Variants in RIMS2 observed in about 807,000 individuals in gnomAD.
The protein encoded by RIMS2 is regulating synaptic membrane exocytosis protein 2.
In RIMS2, 59 loss-of-function variants were observed where a neutral mutation model predicts 174.4. The ratio of observed to expected loss-of-function variants is 0.34; its 90% CI spans 0.27 to 0.42. The LOEUF is 0.42. Among genes scored for constraint, RIMS2 ranks in the 10% least tolerant of loss-of-function variants. The pLI is 1.00. For synonymous variants in RIMS2, 606 were observed against 572.5 expected (o/e 1.06, Z -0.84); for missense variants, 1,620 against 1,666.3 (o/e 0.97, Z 0.48).
chr8:104,070,083 A>C (rs1566165537), intron 19 of RIMS2, among the ~76,000 whole-genome samples: 1 of 152,188 alleles, frequency 6.6e-6, no homozygotes, highest in African/African-American at 2.4e-5. Context: ...ATCCCTTCAT[A>C]ACCTCAAGAA....
chr8:104,048,267 G>A (rs1305976868), intron 19 of RIMS2, among the ~76,000 whole-genome samples: 4 of 151,996 alleles, frequency 2.6e-5, no homozygotes, highest in Non-Finnish European at 2.9e-5. Flanking sequence ...GACAAAATGG[G>A]CAAAGGATAT....
chr8:103,962,500 G>A (rs918749867), intron 15 of RIMS2, among the ~76,000 whole-genome samples: 5 of 152,102 alleles, frequency 3.3e-5, no homozygotes, highest in Admixed American at 6.6e-5. Context: ...CTGGTGAATC[G>A]TTTAATAAGA....
chr8:103,520,677 A>G (rs1454607218), intron 1 of RIMS2, among the ~76,000 whole-genome samples: 1 of 152,088 alleles, frequency 6.6e-6, no homozygotes, highest in African/African-American at 2.4e-5. Flanking sequence ...ATTCACATCT[A>G]AGCCCTGCTA....
At chr8:103,808,687 A>G (rs760752445) in intron 3 of RIMS2, among the ~76,000 whole-genome samples, 1 of 152,126 alleles carries the variant, frequency 6.6e-6, no homozygotes, top group African/African-American at 2.4e-5. Context: ...TAAATCTAAG[A>G]GTTACTTTTT....
intron 19 of RIMS2, among the ~76,000 whole-genome samples, chr8:104,239,328 C>T (rs535519057): frequency 1.3e-5 from 2 of 152,136 alleles, no homozygotes; most frequent in African/African-American, 2.4e-5. Context: ...GGCAGAATAA[C>T]GAGGACACCT....
At chr8:104,122,777 A>T (rs1435580986) in intron 19 of RIMS2, among the ~76,000 whole-genome samples, 1 of 152,112 alleles carries the variant, frequency 6.6e-6, no homozygotes, top group Non-Finnish European at 1.5e-5. Context: ...AATAATGGTA[A>T]TTTTAAAAGA....
chr8:104,040,997 A>C (rs1318360294), intron 19 of RIMS2, among the ~76,000 whole-genome samples: 6 of 151,678 alleles, frequency 4.0e-5, no homozygotes, highest in African/African-American at 1.2e-4. Flanking sequence ...TGCAACTAAC[A>C]CTGTTTTTAC....
At chr8:103,841,322 T>A (rs1347554642) in intron 3 of RIMS2, among the ~76,000 whole-genome samples, 5 of 152,350 alleles carry the variant, frequency 3.3e-5, no homozygotes, top group African/African-American at 9.6e-5. Context: ...TTTTTCTTAC[T>A]AGCTCAGAAG....
intron 19 of RIMS2, among the ~76,000 whole-genome samples, chr8:104,171,808 T>C (rs1204488680): frequency 6.6e-6 from 1 of 152,184 alleles, no homozygotes; most frequent in African/African-American, 2.4e-5. Flanking sequence ...TCTACTGGAC[T>C]GTGTTTTTTA....
intron 19 of RIMS2, among the ~76,000 whole-genome samples, chr8:104,221,024 A>T (rs977988390): frequency 1.3e-5 from 2 of 152,232 alleles, no homozygotes; most frequent in Non-Finnish European, 1.5e-5. Context: ...CAAGTAACTT[A>T]ATCTTTAGGA....
At chr8:103,640,438 C>G (rs1240737057) in intron 1 of RIMS2, among the ~76,000 whole-genome samples, 1 of 151,534 alleles carries the variant, frequency 6.6e-6, no homozygotes, top group African/African-American at 2.4e-5. Flanking sequence ...TTTTCTTTTT[C>G]TAGTTTACTA....
At chr8:103,705,637 G>T (rs1181967624) in intron 2 of RIMS2, among the ~76,000 whole-genome samples, 1 of 151,868 alleles carries the variant, frequency 6.6e-6, no homozygotes, top group East Asian at 1.9e-4. Context: ...CTATGACATT[G>T]GTTGCATATA....
chr8:103,712,372 G>A (rs892645791), intron 2 of RIMS2, among the ~76,000 whole-genome samples: 2 of 151,838 alleles, frequency 1.3e-5, no homozygotes, highest in African/African-American at 4.8e-5. Flanking sequence ...ATTTATTTTA[G>A]ATTAGAGAAA....
intron 19 of RIMS2, among the ~76,000 whole-genome samples, chr8:104,044,456 G>A (rs923773530): frequency 2.7e-5 from 4 of 150,924 alleles, no homozygotes; most frequent in African/African-American, 9.7e-5. Context: ...AAAGGCAGAG[G>A]AAAAGGACTT....
chr8:103,689,775 A>C (rs1038570913), intron 1 of RIMS2, among the ~76,000 whole-genome samples: 17 of 152,184 alleles, frequency 1.1e-4, no homozygotes, highest in African/African-American at 4.1e-4. Context: ...AAATATTATA[A>C]CACTGTGATT....
chr8:104,015,058 A>T (rs1186392415), intron 19 of RIMS2, among the ~76,000 whole-genome samples: 1 of 152,186 alleles, frequency 6.6e-6, no homozygotes, highest in African/African-American at 2.4e-5. Flanking sequence ...TCATGAATAT[A>T]CAATGAAAGA....
intron 19 of RIMS2, among the ~76,000 whole-genome samples, chr8:104,057,071 T>C (rs1597897163): frequency 1.3e-5 from 2 of 149,100 alleles, no homozygotes; most frequent in African/African-American, 2.5e-5. Context: ...TTCTTTTTTT[T>C]TTTTTTTTCT....
chr8:103,684,539 TTTTTATTTTATTTTATTTTA>T (rs71297228), intron 1 of RIMS2, among the ~76,000 whole-genome samples: 53,668 of 134,376 alleles, frequency 0.4, 11,205 homozygotes, highest in East Asian at 0.77. Context: ...GTTCATACTT[TTTTTATTTTATTTTATTTTA>T]TTTTATTTTA....
chr8:104,011,596 T>C (rs1278582579), intron 17 of RIMS2, among the ~76,000 whole-genome samples: 3 of 152,068 alleles, frequency 2.0e-5, no homozygotes, highest in Non-Finnish European at 2.9e-5. Flanking sequence ...AAATGATTCT[T>C]CACAAAGAAG....
Sources: allele counts gnomAD v4.1 joint callset (sites outside exome capture counted in the v4.1 genomes callset), GRCh38; gene constraint gnomAD v4.1.1; transcripts MANE v1.5; gene names NCBI Gene and HGNC (gene_info 2026-07-23, HGNC 2026-07-21).